Variants in EIF3L observed in about 807,000 individuals in gnomAD.
EIF3L encodes eukaryotic translation initiation factor 3 subunit L.
In EIF3L, 32 loss-of-function variants were observed where a neutral mutation model predicts 74.6. The ratio of observed to expected loss-of-function variants is 0.43; its 90% CI spans 0.32 to 0.58. EIF3L has a LOEUF of 0.58. EIF3L is among the 20% of genes least tolerant of loss of function. The pLI is 0.06. For synonymous variants in EIF3L, 256 were observed against 254.4 expected (o/e 1.01, Z -0.06); for missense variants, 474 against 707.8 (o/e 0.67, Z 3.75).
chr22:37,874,737 A>G (rs1926653988), intron 9 of EIF3L, among the ~76,000 whole-genome samples: 1 of 151,984 alleles, frequency 6.6e-6, no homozygotes, highest in African/African-American at 2.4e-5. Context: ...TTTTGTTTTC[A>G]AAATGGAATG....
rs1447536141 is a variant in EIF3L, at chr22:37,856,226, G to A, written c.373+582G>A. Among the ~76,000 whole-genome samples, 3 of 151,944 alleles carry A rather than the reference G, an allele frequency of 2.0e-5. No homozygotes were observed. The East Asian group carries it at 5.8e-4, about 30-fold the overall frequency. ...CGCGTAGCTGGGATTACAGGCGCCC[G>A]CCACCACGCCCAGCTAATTTTTGTA... On this transcript the variant is annotated intron_variant, in intron 4 of 12. Transcript: ENST00000652021.
chr22:37,874,518 C>T lies in EIF3L; in HGVS notation c.900C>T (p.Asn300=). Residue 300 remains asparagine, a synonymous_variant, in exon 9 of 13, where the codon AAC becomes AAT. Transcript: ENST00000652021. ...AGGTGCTGGAGAACATCGAACTGAA[C>T]AAGAAGGTGATGCCTATTGCCTCTG... ...AIKVLENIEL[N]KKSMYSRVPE... 1 of 1,613,782 alleles carries T rather than the reference C, an allele frequency of 6.2e-7. No homozygotes were observed. Among genetic ancestry groups the T allele is most frequent in the South Asian group, 1.1e-5 (1 of 91,004 alleles).
intron 8 of EIF3L, among the ~76,000 whole-genome samples, chr22:37,870,595 T>C (rs1427199254): frequency 6.6e-6 from 1 of 152,220 alleles, no homozygotes; most frequent in African/African-American, 2.4e-5. Context: ...AACACTTCTG[T>C]GTCTCCAGTG....
intron 4 of EIF3L, among the ~76,000 whole-genome samples, chr22:37,856,234 G>A (rs1569111535): frequency 1.3e-5 from 2 of 151,620 alleles, no homozygotes; most frequent in African/African-American, 2.4e-5. Context: ...CCGCCACCAC[G>A]CCCAGCTAAT....
intron 5 of EIF3L, among the ~76,000 whole-genome samples, chr22:37,862,610 G>A (rs892411204): frequency 6.6e-6 from 1 of 152,204 alleles, no homozygotes; most frequent in East Asian, 1.9e-4. Flanking sequence ...GATGCCCGGT[G>A]CAGCATTATC....
chr22:37,874,407 C>A lies in EIF3L; in HGVS notation c.789C>A (p.His263Gln). ...GTGTGGCTGGGGAGTATGGGCGGCA[C>A]TCCCTCTACAAAATGCTTGGTTACT... Reference protein sequence around the residue: ...PESVAGEYGRHSLYKMLGYFS... With the variant: ...PESVAGEYGRQSLYKMLGYFS... The change falls in exon 9 of 13, where the codon CAC (histidine) becomes CAA (glutamine). Residue 263 changes from histidine (H) to glutamine (Q), a missense_variant. By Grantham distance (24) the His-to-Gln change is conservative. This residue lies in a region of EIF3L where 293 missense variants were observed against 469.1 expected (regional missense o/e 0.62). Coordinates refer to ENST00000652021, the MANE Select transcript of EIF3L (RefSeq NM_016091.4). 1 of 1,613,972 alleles carries A rather than the reference C, an allele frequency of 6.2e-7. No individual in the cohort carries two copies. The highest frequency in any genetic ancestry group is 2.2e-5 in the East Asian group (1 of 44,878).
intron 5 of EIF3L, among the ~76,000 whole-genome samples, chr22:37,860,085 T>G (rs1364530261): frequency 6.6e-6 from 1 of 152,222 alleles, no homozygotes; most frequent in African/African-American, 2.4e-5. Flanking sequence ...TAGCCTCAGT[T>G]GCCCCACTGA....
chr22:37,877,535 G>A, intron 10 of EIF3L, 139 bp from the exon 11 acceptor site: 1 of 1,003,506 alleles, frequency 1.0e-6, no homozygotes, highest in South Asian at 1.7e-5. Context: ...TGGAAGAGAT[G>A]TTGGGGAAGT....
intron 11 of EIF3L, chr22:37,883,309 A>C (rs142782165): frequency 1.3e-5 from 2 of 155,136 alleles, no homozygotes; most frequent in Non-Finnish European, 2.8e-5. Flanking sequence ...AAAAAAAAAA[A>C]AAAAAAAAAC....
intron 7 of EIF3L, among the ~76,000 whole-genome samples, chr22:37,866,021 C>T (rs1056951849): frequency 6.6e-5 from 10 of 152,118 alleles, no homozygotes; most frequent in Admixed American, 1.3e-4. Flanking sequence ...GGCTCTTCCT[C>T]GCCACCCTGT....
chr22:37,881,052 T>C (rs1454096703), intron 11 of EIF3L: 1 of 152,234 alleles, frequency 6.6e-6, no homozygotes, highest in African/African-American at 2.4e-5. Flanking sequence ...GTAAGGTTTT[T>C]ACAGAGTGGC....
At chr22:37,850,516 T>C (rs1205853714) in intron 2 of EIF3L, 2 of 227,802 alleles carry the variant, frequency 8.8e-6, no homozygotes, top group African/African-American at 2.4e-5. Flanking sequence ...TTTAAATTTT[T>C]TTAATAGAGA....
chr22:37,860,749 C>T (rs1007099852), intron 5 of EIF3L, among the ~76,000 whole-genome samples: 1 of 152,200 alleles, frequency 6.6e-6, no homozygotes, highest in Non-Finnish European at 1.5e-5. Context: ...ATCATCTCTT[C>T]CCTGAATTAC....
At chr22:37,849,933 C>T (rs1601748461) in intron 1 of EIF3L, 82 bp from the exon 2 acceptor site, 1 of 1,490,752 alleles carries the variant, frequency 6.7e-7, no homozygotes, top group Non-Finnish European at 9.4e-7. Context: ...CCTTAGCTCT[C>T]TGCTTGGCAT....
chr22:37,856,242 A>G (rs1224018871), intron 4 of EIF3L, among the ~76,000 whole-genome samples: 1 of 151,712 alleles, frequency 6.6e-6, no homozygotes, highest in African/African-American at 2.4e-5. Context: ...ACGCCCAGCT[A>G]ATTTTTGTAT....
chr22:37,860,435 A>G, intron 5 of EIF3L, among the ~76,000 whole-genome samples: 1 of 151,936 alleles, frequency 6.6e-6, no homozygotes, highest in South Asian at 2.1e-4. Context: ...GCTCACTCCA[A>G]CCTCTGTCTC....
intron 5 of EIF3L, among the ~76,000 whole-genome samples, chr22:37,860,849 C>G (rs1569113661): frequency 6.6e-6 from 1 of 152,162 alleles, no homozygotes; most frequent in African/African-American, 2.4e-5. Flanking sequence ...TACATAGTTT[C>G]ATCAGGTCAC....
rs567647869 is a variant in EIF3L at position 37,889,039 on chromosome 22, C to A, written c.*575C>A. 1 of 152,340 alleles carries A rather than the reference C, an allele frequency of 6.6e-6. No individual in the cohort carries two copies. The highest frequency in any genetic ancestry group is 1.5e-5 in the Non-Finnish European group (1 of 68,160). 9.4% of individuals were successfully genotyped at this position (152,340 alleles called of 1,614,324 possible). A position where few individuals can be genotyped will look rare whatever the true frequency, so the allele number is the denominator to read the frequency against. On this transcript the variant is annotated 3_prime_UTR_variant, in exon 13 of 13. Transcript: ENST00000652021. ...TACAGGCATGAGCCACCACGCCCCG[C>A]CTAAATTCAAAATCTTTTTGTTTTT...
At chr22:37,861,863 A>C (rs1925876225) in intron 5 of EIF3L, among the ~76,000 whole-genome samples, 1 of 152,312 alleles carries the variant, frequency 6.6e-6, no homozygotes, top group South Asian at 2.1e-4. Context: ...CTGTAGATGA[A>C]GATTCAGCAG....
Sources: allele counts gnomAD v4.1 joint callset (sites outside exome capture counted in the v4.1 genomes callset), GRCh38; gene constraint gnomAD v4.1.1; regional missense constraint gnomAD v4.1.1; transcripts MANE v1.5; gene names NCBI Gene and HGNC (gene_info 2026-07-23, HGNC 2026-07-21).